Variants in TMEM150C observed in about 807,000 individuals in gnomAD.
TMEM150C encodes tentonin 3.
Under a neutral mutation model 29.9 loss-of-function variants are expected in TMEM150C, and 10 were observed. The observed-to-expected ratio is 0.33, with a 90% CI of 0.21 to 0.57. TMEM150C has a LOEUF of 0.57. Ranked by LOEUF, TMEM150C falls within the 20% of genes least tolerant of loss-of-function variation. The pLI, the probability that TMEM150C is intolerant of heterozygous loss-of-function variation, is 0.88. For synonymous variants in TMEM150C, 101 were observed against 112.5 expected (o/e 0.90, Z 0.64); for missense variants, 251 against 303.6 (o/e 0.83, Z 1.29).
At chr4:82,530,091 T>TCA (rs1360677045) in intron 1 of TMEM150C, among the ~76,000 whole-genome samples, 1 of 146,150 alleles carries the variant, frequency 6.8e-6, no homozygotes, top group Non-Finnish European at 1.5e-5. Flanking sequence ...TCAATCTCTC[T>TCA]CTCTCTCTCT....
At chr4:82,509,751 C>A (rs1233339157) in intron 1 of TMEM150C, 1 of 152,020 alleles carries the variant, frequency 6.6e-6, no homozygotes, top group Non-Finnish European at 1.5e-5. Context: ...GCCGAGATCG[C>A]TCCACTTCAC....
chr4:82,517,503 C>A (rs1196906152), intron 1 of TMEM150C, among the ~76,000 whole-genome samples: 1 of 152,178 alleles, frequency 6.6e-6, no homozygotes, highest in Non-Finnish European at 1.5e-5. Context: ...CCATTGAGGG[C>A]CCTGATAGAG....
At chr4:82,530,118 T>TGA (rs1724792658) in intron 1 of TMEM150C, among the ~76,000 whole-genome samples, 1 of 141,618 alleles carries the variant, frequency 7.1e-6, no homozygotes, top group African/African-American at 2.7e-5. Context: ...AGAGAGAGAG[T>TGA]GAGAGAGATG....
intron 1 of TMEM150C, among the ~76,000 whole-genome samples, chr4:82,510,510 G>C (rs1724089721): frequency 6.6e-6 from 1 of 152,104 alleles, no homozygotes; most frequent in Non-Finnish European, 1.5e-5. Flanking sequence ...TGTGTCCTTG[G>C]TTAAGTCTTC....
At chr4:82,537,864 TAGGA>T (rs1725061931) in intron 1 of TMEM150C, among the ~76,000 whole-genome samples, 1 of 152,144 alleles carries the variant, frequency 6.6e-6, no homozygotes, top group African/African-American at 2.4e-5. Flanking sequence ...GAGCCTTCAA[TAGGA>T]GCAGGGCGCT....
intron 1 of TMEM150C, among the ~76,000 whole-genome samples, chr4:82,545,198 G>A (rs1472749857): frequency 6.6e-6 from 1 of 152,128 alleles, no homozygotes; most frequent in African/African-American, 2.4e-5. Flanking sequence ...TTAATTCCCC[G>A]TGATCGCATA....
chr4:82,489,612 TC>T, intron 7 of TMEM150C, among the ~76,000 whole-genome samples: 1 of 152,252 alleles, frequency 6.6e-6, no homozygotes, highest in East Asian at 1.9e-4. Context: ...CAGAAAAGCT[TC>T]ATTATTTTCC....
intron 1 of TMEM150C, among the ~76,000 whole-genome samples, chr4:82,514,443 G>A (rs1440025224): frequency 6.6e-6 from 1 of 152,228 alleles, no homozygotes. Flanking sequence ...GGAACGTAAT[G>A]GAAATAATTC....
Position 82,485,600 on chromosome 4 carries a change from C to T in TMEM150C, c.661G>A (p.Glu221Lys). ...TCCTGGTACTCAGAGCAAACAATCT[C>T]ATAGCGGTAATGCCGGAACTCCACG... ...FAVEFRHYRY[E>K]IVCSEYQENF... The change falls in exon 8 of 8, where the codon GAG becomes AAG. Residue 221 changes from glutamate (E) to lysine (K), a missense_variant. Glu to Lys is a moderately conservative substitution (Grantham distance 56, BLOSUM62 1). Coordinates refer to ENST00000449862, the MANE Select transcript of TMEM150C (RefSeq NM_001080506.3). 1 of 1,611,166 alleles carries T rather than the reference C, an allele frequency of 6.2e-7. No homozygotes were observed. Among genetic ancestry groups the T allele is most frequent in the Non-Finnish European group, 8.5e-7 (1 of 1,178,728 alleles).
chr4:82,502,502 T>TA (rs1293782516), intron 5 of TMEM150C, among the ~76,000 whole-genome samples: 1 of 152,130 alleles, frequency 6.6e-6, no homozygotes, highest in Non-Finnish European at 1.5e-5. Flanking sequence ...TCTGAAATGA[T>TA]AAAGATGGTA....
chr4:82,510,194 G>A (rs1176730003), intron 1 of TMEM150C, among the ~76,000 whole-genome samples: 2 of 152,006 alleles, frequency 1.3e-5, no homozygotes, highest in Admixed American at 6.6e-5. Flanking sequence ...CAGGAGAATC[G>A]CTTGAACCCG....
intron 1 of TMEM150C, among the ~76,000 whole-genome samples, chr4:82,516,192 G>A (rs1013824904): frequency 2.0e-5 from 3 of 152,124 alleles, no homozygotes; most frequent in Admixed American, 2.0e-4. Flanking sequence ...TGTGGCTAAT[G>A]GTAGAACACG....
At chr4:82,516,864 A>G (rs1724311446) in intron 1 of TMEM150C, among the ~76,000 whole-genome samples, 1 of 152,226 alleles carries the variant, frequency 6.6e-6, no homozygotes, top group Non-Finnish European at 1.5e-5. Context: ...CATGTGAAAT[A>G]TACCAGATCA....
At chr4:82,561,421 C>A (rs895351344) in intron 1 of TMEM150C, among the ~76,000 whole-genome samples, 1 of 152,220 alleles carries the variant, frequency 6.6e-6, no homozygotes, top group Admixed American at 6.5e-5. Context: ...CCAGCCTGAC[C>A]TGGCTAACCG....
chr4:82,517,854 C>T (rs1560488811), intron 1 of TMEM150C, among the ~76,000 whole-genome samples: 1 of 152,162 alleles, frequency 6.6e-6, no homozygotes, highest in Non-Finnish European at 1.5e-5. Context: ...GGTTCTGTTT[C>T]TCTGGAAAAC....
At chr4:82,545,896 G>C (rs1221923650) in intron 1 of TMEM150C, among the ~76,000 whole-genome samples, 1 of 151,740 alleles carries the variant, frequency 6.6e-6, no homozygotes, top group Admixed American at 6.6e-5. Context: ...TTGCGCTCCA[G>C]CCTGGATGAC....
intron 1 of TMEM150C, among the ~76,000 whole-genome samples, chr4:82,532,067 C>G (rs1488044300): frequency 1.3e-5 from 2 of 152,074 alleles, no homozygotes; most frequent in African/African-American, 4.8e-5. Flanking sequence ...AAAGAACAGT[C>G]AGGATCAAAG....
chr4:82,524,482 C>A (rs185078492), intron 1 of TMEM150C, among the ~76,000 whole-genome samples: 393 of 152,254 alleles, frequency 2.6e-3, no homozygotes, highest in Admixed American at 6.8e-3. Flanking sequence ...TCTTTTAAAT[C>A]GCAAACAAAT....
chr4:82,553,121 A>C (rs895542738), intron 1 of TMEM150C, among the ~76,000 whole-genome samples: 3 of 152,110 alleles, frequency 2.0e-5, no homozygotes, highest in Non-Finnish European at 4.4e-5. Context: ...CAGTTACTCA[A>C]CTCTTCAGTG....
Sources: allele counts gnomAD v4.1 joint callset (sites outside exome capture counted in the v4.1 genomes callset), GRCh38; gene constraint gnomAD v4.1.1; transcripts MANE v1.5; gene names NCBI Gene and HGNC (gene_info 2026-07-23, HGNC 2026-07-21).